CNTN5: variants seen among roughly 807,000 people sequenced by gnomAD.
The protein encoded by CNTN5 is contactin 5.
A neutral mutation model predicts 129.1 loss-of-function variants in CNTN5; 77 were observed. That is an observed-to-expected ratio of 0.60 (90% confidence interval 0.50 to 0.72). The LOEUF is 0.72. CNTN5 is among the 30% of genes least tolerant of loss of function. The probability of loss-of-function intolerance (pLI) is 0.00; values close to 1 mark genes in which losing one functional copy is unlikely to be tolerated. For missense variants in CNTN5, 1,478 were observed against 1,328.8 expected, an observed-to-expected ratio of 1.11 and a Z score of -1.75; for synonymous variants, 509 against 465.6, an observed-to-expected ratio of 1.09 and a Z score of -1.20.
chr11:100,261,200 G>T (rs888361372), intron 17 of CNTN5, among the ~76,000 whole-genome samples: 3 of 152,062 alleles, frequency 2.0e-5, no homozygotes, highest in Non-Finnish European at 4.4e-5. Context: ...ATTCACAATT[G>T]CCACAAACAG....
At chr11:99,084,356 T>C (rs776770383) in intron 1 of CNTN5, among the ~76,000 whole-genome samples, 34 of 152,242 alleles carry the variant, frequency 2.2e-4, no homozygotes, top group Admixed American at 5.2e-4. Flanking sequence ...AAATCCTATT[T>C]GGCCCTAGGC....
chr11:99,655,933 T>C (rs1952341462), intron 3 of CNTN5, among the ~76,000 whole-genome samples: 1 of 152,006 alleles, frequency 6.6e-6, no homozygotes, highest in South Asian at 2.1e-4. Flanking sequence ...AATACAAATA[T>C]ATACACACAC....
At chr11:99,305,116 G>A (rs1007326607) in intron 1 of CNTN5, among the ~76,000 whole-genome samples, 1 of 152,134 alleles carries the variant, frequency 6.6e-6, no homozygotes, top group African/African-American at 2.4e-5. Context: ...CAGAATGAGG[G>A]AAGTACATCA....
chr11:99,061,402 T>C (rs7102254), intron 1 of CNTN5, among the ~76,000 whole-genome samples: 70,294 of 151,720 alleles, frequency 0.46, 16,612 homozygotes, highest in Non-Finnish European at 0.49. Flanking sequence ...GAAAATCTGA[T>C]TCCGCCCAAC....
At chr11:99,868,080 G>A (rs1367620807) in intron 6 of CNTN5, among the ~76,000 whole-genome samples, 1 of 152,108 alleles carries the variant, frequency 6.6e-6, no homozygotes, top group Non-Finnish European at 1.5e-5. Context: ...GCTGGGCGTG[G>A]TGGCATATGC....
chr11:99,182,927 ATAAAC>A (rs1415439977), intron 1 of CNTN5, among the ~76,000 whole-genome samples: 2 of 149,688 alleles, frequency 1.3e-5, no homozygotes, highest in Non-Finnish European at 3.0e-5. Flanking sequence ...TAGCATTAAA[ATAAAC>A]TAATCATTAA....
intron 2 of CNTN5, among the ~76,000 whole-genome samples, chr11:99,343,107 C>A (rs1464140283): frequency 6.6e-6 from 1 of 152,066 alleles, no homozygotes; most frequent in African/African-American, 2.4e-5. Context: ...TCTTGTCAGG[C>A]CTCATCTGGA....
chr11:99,975,586 A>G (rs543514120), intron 8 of CNTN5, among the ~76,000 whole-genome samples: 1 of 152,296 alleles, frequency 6.6e-6, no homozygotes, highest in South Asian at 2.1e-4. Context: ...AAAAACTTAC[A>G]GTTATGGCAG....
intron 8 of CNTN5, among the ~76,000 whole-genome samples, chr11:99,992,143 C>T (rs1177131388): frequency 2.6e-5 from 4 of 152,182 alleles, no homozygotes; most frequent in African/African-American, 4.8e-5. Flanking sequence ...TCAGCTAAAC[C>T]TTTCCAACTC....
chr11:99,202,216 G>T (rs1859244572), intron 1 of CNTN5, among the ~76,000 whole-genome samples: 1 of 152,118 alleles, frequency 6.6e-6, no homozygotes, highest in African/African-American at 2.4e-5. Flanking sequence ...TTTTTCTGAA[G>T]CTCATGGTTT....
chr11:99,390,861 C>T (rs1452677291), intron 2 of CNTN5, among the ~76,000 whole-genome samples: 1 of 151,856 alleles, frequency 6.6e-6, no homozygotes, highest in African/African-American at 2.4e-5. Context: ...TTAAGTAATC[C>T]TAAAGCTGAC....
chr11:99,764,437 T>C (rs1204543562), intron 3 of CNTN5, among the ~76,000 whole-genome samples: 1 of 152,098 alleles, frequency 6.6e-6, no homozygotes, highest in Non-Finnish European at 1.5e-5. Flanking sequence ...GTTTTTGAGA[T>C]GGAGTTTCAC....
chr11:99,621,713 C>T (rs1950956794), intron 3 of CNTN5, among the ~76,000 whole-genome samples: 1 of 152,064 alleles, frequency 6.6e-6, no homozygotes. Context: ...GCAACTGTAA[C>T]ATTTCTTTAT....
chr11:99,155,259 T>A (rs915384378), intron 1 of CNTN5, among the ~76,000 whole-genome samples: 31 of 152,354 alleles, frequency 2.0e-4, no homozygotes, highest in Admixed American at 1.5e-3. Context: ...CTTTGAAGAT[T>A]TGCTCAAAGT....
intron 1 of CNTN5, among the ~76,000 whole-genome samples, chr11:99,164,069 T>A (rs1479588371): frequency 6.6e-6 from 1 of 152,208 alleles, no homozygotes; most frequent in Non-Finnish European, 1.5e-5. Context: ...GGCTCATGCC[T>A]GTAATCCCAG....
intron 1 of CNTN5, among the ~76,000 whole-genome samples, chr11:99,159,786 CTA>C (rs556724852): frequency 1.8e-3 from 280 of 152,202 alleles, no homozygotes; most frequent in African/African-American, 6.3e-3. Context: ...ACATTAATAA[CTA>C]GAGGAAAATA....
At chr11:99,484,916 C>G (rs191303748) in intron 2 of CNTN5, among the ~76,000 whole-genome samples, 1 of 151,666 alleles carries the variant, frequency 6.6e-6, no homozygotes, top group Non-Finnish European at 1.5e-5. Context: ...TGGGAAGGGC[C>G]GGGGAGAGGG....
rs188885983 is a variant in CNTN5, at chr11:100,277,087, T to C, written c.2314+5846T>C. On this transcript the variant is annotated intron_variant, in intron 18 of 24. Coordinates refer to ENST00000524871, the MANE Select transcript of CNTN5 (RefSeq NM_014361.4). ...AGAACATGTGATGTTTGTCTTTCTG[T>C]GCCTGGCTTATTTCACTTAACATGA... 2.8e-3 allele frequency among the ~76,000 whole-genome samples: 434 copies of C among 152,290 alleles called. 4 individuals are homozygous for C. The highest frequency in any genetic ancestry group is 0.01 in the African/African-American group (421 of 41,566).
At chr11:99,393,657 C>T (rs1400507874) in intron 2 of CNTN5, among the ~76,000 whole-genome samples, 2 of 151,754 alleles carry the variant, frequency 1.3e-5, no homozygotes, top group East Asian at 1.9e-4. Context: ...CATTTGTTAG[C>T]CTTTTTACTG....
Sources: gnomAD v4.1 joint callset for allele counts (sites outside exome capture counted in the v4.1 genomes callset) on GRCh38, gnomAD v4.1.1 for gene constraint, MANE v1.5 for transcripts, NCBI Gene and HGNC (gene_info 2026-07-23, HGNC 2026-07-21) for gene names.